Variants in RPGRIP1 observed in about 807,000 individuals in gnomAD.
The protein encoded by RPGRIP1 is X-linked retinitis pigmentosa GTPase regulator-interacting protein 1.
In RPGRIP1, 128 loss-of-function variants were observed where a neutral mutation model predicts 157.9. The ratio of observed to expected loss-of-function variants is 0.81; its 90% confidence interval spans 0.70 to 0.94. The LOEUF is 0.94. Among genes scored for constraint, RPGRIP1 ranks in the 40% least tolerant of loss-of-function variants. RPGRIP1 has a pLI of 0.00. For synonymous variants in RPGRIP1, 554 were observed against 571.6 expected, an observed-to-expected ratio of 0.97 and a Z score of 0.44; for missense variants, 1,486 against 1,545.8, an observed-to-expected ratio of 0.96 and a Z score of 0.65.
At chr14:21,316,233 T>C (rs1043450389) in intron 10 of RPGRIP1, among the ~76,000 whole-genome samples, 6 of 151,980 alleles carry the variant, frequency 3.9e-5, no homozygotes, top group Admixed American at 3.9e-4. Context: ...TGCCTCAGCC[T>C]CCCAAAGCAC....
rs1439858334 is a variant in RPGRIP1 at position 21,296,950 on chromosome 14, C to T, written c.218+2141C>T. ...CTGGGCGACAAGAGCAAGACTCCAT[C>T]TAAAAAAAAAAAAAAAAAGTATTAA... is the stretch of plus-strand genomic sequence containing the variant. On this transcript the variant is annotated intron_variant, in intron 3 of 24. Transcript: ENST00000400017. Among the ~76,000 whole-genome samples, 5 of 130,038 alleles carry T rather than the reference C, an allele frequency of 3.8e-5. No homozygotes were observed. In the East Asian group the frequency reaches 8.7e-4, roughly 23 times the overall value. The allele number at this position is 130,038 out of a possible 152,430, so 85.3% of individuals were successfully genotyped here.
intron 9 of RPGRIP1, 45 bp from the exon 10 acceptor site, chr14:21,312,388 G>T (rs779504787): frequency 1.5e-6 from 2 of 1,374,112 alleles, no homozygotes; most frequent in South Asian, 2.5e-5. Context: ...CTGTGCAGGG[G>T]AATAGATTTT....
Position 21,312,054 on chromosome 14 carries a change from T to G in RPGRIP1, c.1077+84T>G. The stretch of plus-strand genomic sequence containing the variant: ...TGTATCTTAGCAACAATATGAGTAT[T>G]GCATTTTTTCAAATGACAAAAACGA... On this transcript the variant is annotated intron_variant, in intron 9 of 24. Transcript: ENST00000400017. The G allele has an allele frequency of 2.3e-6, 3 of 1,290,642 alleles. No homozygotes were observed. In the Admixed American group the frequency reaches 6.6e-5, roughly 28 times the overall value. The allele number at this position is 1,290,642 out of a possible 1,614,324, so 79.9% of individuals were successfully genotyped here. A position where few individuals can be genotyped will look rare whatever the true frequency, so the allele number is the denominator to read the frequency against.
intron 10 of RPGRIP1, among the ~76,000 whole-genome samples, chr14:21,314,850 T>C (rs1881704067): frequency 6.6e-6 from 1 of 151,918 alleles, no homozygotes; most frequent in Non-Finnish European, 1.5e-5. Flanking sequence ...TGCAAAACAC[T>C]GTCTCTACTA....
chr14:21,300,705 CTT>C (rs918137131), intron 3 of RPGRIP1, among the ~76,000 whole-genome samples: 31 of 73,498 alleles, frequency 4.2e-4, no homozygotes, highest in Admixed American at 5.3e-4. Flanking sequence ...AGTGGCTCAA[CTT>C]TTTTTTTTTT....
chr14:21,329,771 T>C (rs1452516267), intron 19 of RPGRIP1, among the ~76,000 whole-genome samples: 1 of 150,934 alleles, frequency 6.6e-6, no homozygotes, highest in East Asian at 2.0e-4. Flanking sequence ...GCTGAGATTA[T>C]AGGCGTGAGC....
At chr14:21,342,086 G>T (rs982033091) in intron 21 of RPGRIP1, among the ~76,000 whole-genome samples, 19 of 151,818 alleles carry the variant, frequency 1.3e-4, no homozygotes, top group Admixed American at 1.1e-3. Context: ...CTGTGGGAGG[G>T]CAGGGTGGTC....
intron 1 of RPGRIP1, among the ~76,000 whole-genome samples, chr14:21,286,552 T>G (rs978349576): frequency 6.6e-6 from 1 of 151,840 alleles, no homozygotes; most frequent in Non-Finnish European, 1.5e-5. Flanking sequence ...CCCAGCACTT[T>G]GGGAGGCTGA....
chr14:21,344,132 A>T (rs79869062), intron 22 of RPGRIP1, among the ~76,000 whole-genome samples: 2 of 150,524 alleles, frequency 1.3e-5, no homozygotes, highest in African/African-American at 2.4e-5. Flanking sequence ...TTTCCTTCCC[A>T]TCGTAATTGT....
chr14:21,324,324 C>A, intron 14 of RPGRIP1: 1 of 461,934 alleles, frequency 2.2e-6, no homozygotes, highest in Non-Finnish European at 4.0e-6. Flanking sequence ...TACACCAAAA[C>A]AATGTCATAT....
At position 21,294,698 on chromosome 14, in the gene RPGRIP1, C is replaced by T. The variant is rs189509077; in HGVS notation, c.107C>T (p.Pro36Leu). 1 of 1,613,322 alleles carries T rather than the reference C, an allele frequency of 6.2e-7. No homozygotes were observed. Among genetic ancestry groups the T allele is most frequent in the African/African-American group, 1.3e-5 (1 of 74,996 alleles). Reference protein sequence around the residue: ...ASKGKNMKTQPPLSRMNREEL... With the variant: ...ASKGKNMKTQLPLSRMNREEL... The stretch of plus-strand genomic sequence containing the variant: ...TTAGGTAAGAATATGAAAACTCAAC[C>T]ACCCTTGAGCAGGATGAACCGGGAG... The change falls in exon 3 of 25, where the codon CCA (proline) becomes CTA (leucine). Residue 36 changes from proline (P) to leucine (L), a missense_variant. Physicochemically the swap from Pro to Leu is moderately conservative, Grantham distance 98. Coordinates refer to ENST00000400017, the MANE Select transcript of RPGRIP1 (RefSeq NM_020366.4).
At chr14:21,332,986 C>T (rs187613100) in intron 20 of RPGRIP1, among the ~76,000 whole-genome samples, 3 of 152,088 alleles carry the variant, frequency 2.0e-5, no homozygotes, top group Admixed American at 2.0e-4. Flanking sequence ...TGCTGGTAAC[C>T]CCATCTGAGA....
chr14:21,317,829 C>T lies in RPGRIP1; in HGVS notation c.1285C>T (p.Leu429Phe). 1 of 1,606,594 alleles carries T rather than the reference C, an allele frequency of 6.2e-7. No homozygotes were observed. Among genetic ancestry groups the T allele is most frequent in the Non-Finnish European group, 8.5e-7 (1 of 1,176,560 alleles). The change falls in exon 11 of 25, where the codon CTT (leucine) becomes TTT (phenylalanine). Residue 429 changes from leucine to phenylalanine, a missense_variant. Physicochemically the swap from Leu to Phe is conservative, Grantham distance 22 (BLOSUM62 0). Transcript: ENST00000400017. ...GCTGGAGGACAAGAGAAAAGTTTTA[C>T]TTGAGCTGTCCAGGGAGAAAGGTAG... is the stretch of plus-strand genomic sequence containing the variant. The part of the protein sequence containing the change: ...AELEDKRKVL[L>F]ELSREKAQNE...
chr14:21,346,450 G>C (rs1189903526), intron 23 of RPGRIP1, among the ~76,000 whole-genome samples: 1 of 152,182 alleles, frequency 6.6e-6, no homozygotes, highest in Non-Finnish European at 1.5e-5. Context: ...TACTCAGGAG[G>C]CTGAGGCATG....
intron 3 of RPGRIP1, among the ~76,000 whole-genome samples, chr14:21,299,827 T>C (rs1880947295): frequency 6.6e-6 from 1 of 152,168 alleles, no homozygotes; most frequent in Admixed American, 6.6e-5. Context: ...GTTCTGAAGC[T>C]GGAAGTCTGA....
chr14:21,324,999 C>A lies in RPGRIP1; in HGVS notation c.2144C>A (p.Ala715Asp). The change falls in exon 15 of 25, where the codon GCT becomes GAT. Residue 715 changes from alanine to aspartate, a missense_variant. By Grantham distance (126) the Ala-to-Asp change is moderately radical (BLOSUM62 -2). Transcript: ENST00000400017. ...QAMASEHSTL[A>D]AGWICFDRVL... ...ATGGCCAGTGAACACAGCACTCTTG[C>A]TGCAGGATGGATTTGCTTTGACAGG... 1 of 1,614,038 alleles carries A rather than the reference C, an allele frequency of 6.2e-7. No homozygotes were observed. The highest frequency in any genetic ancestry group is 8.5e-7 in the Non-Finnish European group (1 of 1,179,892).
intron 2 of RPGRIP1, among the ~76,000 whole-genome samples, chr14:21,292,772 A>G (rs969888514): frequency 6.6e-6 from 1 of 151,246 alleles, no homozygotes; most frequent in Non-Finnish European, 1.5e-5. Context: ...AACCTGGGAG[A>G]CAGGGAGACG....
chr14:21,287,659 A>T (rs1880347487), intron 1 of RPGRIP1, among the ~76,000 whole-genome samples: 1 of 152,162 alleles, frequency 6.6e-6, no homozygotes, highest in South Asian at 2.1e-4. Context: ...AGGGATGGTC[A>T]TCGGCTTCCA....
rs2139175426 is a variant in RPGRIP1, at chr14:21,311,904, C to G, written c.1011C>G (p.Ser337Arg). Residue 337 changes from serine to arginine, a missense_variant, in exon 9 of 25, where the codon AGC becomes AGG. Ser to Arg is a moderately radical substitution (Grantham distance 110). Coordinates refer to ENST00000400017, the MANE Select transcript of RPGRIP1 (RefSeq NM_020366.4). ...TCAGGGCAGAGCTGAAGGAAGAAAG[C>G]AAGAAGGCTGTGAGCTTGAAGAGCC... ...NELRAELKEE[S>R]KKAVSLKSQL... 6 of 1,612,964 alleles carry G rather than the reference C, an allele frequency of 3.7e-6. No homozygotes were observed. In the East Asian group the frequency reaches 1.3e-4, roughly 36 times the overall value.
Sources: allele counts gnomAD v4.1 joint callset (sites outside exome capture counted in the v4.1 genomes callset), GRCh38; gene constraint gnomAD v4.1.1; transcripts MANE v1.5; gene names NCBI Gene and HGNC (gene_info 2026-07-23, HGNC 2026-07-21).